The following MALRD1 variants were observed in gnomAD, a reference collection of about 807,000 sequenced individuals.
The protein encoded by MALRD1 is MAM and LDL-receptor class A domain-containing protein 1.
Under a neutral mutation model 242.1 loss-of-function variants are expected in MALRD1, and 247 were observed. The observed-to-expected ratio is 1.02, with a 90% CI of 0.92 to 1.13. The LOEUF (loss-of-function observed/expected upper bound fraction) is 1.13, where lower values mean the gene tolerates loss of function less well. Among genes scored for constraint, MALRD1 ranks in the 50% most tolerant of loss-of-function variants. The probability of loss-of-function intolerance (pLI) is 0.00; values close to 1 mark genes in which losing one functional copy is unlikely to be tolerated. For missense variants in MALRD1, 2,989 were observed against 2,533.1 expected (o/e 1.18, Z -3.86); for synonymous variants, 995 against 866.6 (o/e 1.15, Z -2.60).
At chr10:19,130,724 A>G (rs753945984) in intron 8 of MALRD1, among the ~76,000 whole-genome samples, 34 of 152,126 alleles carry the variant, frequency 2.2e-4, no homozygotes, top group Admixed American at 6.6e-4. Flanking sequence ...TTATGAATGT[A>G]TGTATTTAGT....
intron 36 of MALRD1, among the ~76,000 whole-genome samples, chr10:19,686,278 A>G (rs1052564578): frequency 6.6e-6 from 1 of 152,174 alleles, no homozygotes; most frequent in African/African-American, 2.4e-5. Flanking sequence ...GCATACTTCC[A>G]GGGTCTTGCA....
chr10:19,545,124 C>T (rs1835153933), intron 32 of MALRD1, among the ~76,000 whole-genome samples: 1 of 152,156 alleles, frequency 6.6e-6, no homozygotes. Flanking sequence ...TTTCCACTGT[C>T]CTCACAAGGT....
chr10:19,729,584 G>C (rs1260330213), intron 38 of MALRD1, among the ~76,000 whole-genome samples: 1 of 146,608 alleles, frequency 6.8e-6, no homozygotes, highest in Non-Finnish European at 1.5e-5. Context: ...GTGTGTATAG[G>C]ATCCTTTCGT....
At chr10:19,177,278 CAAA>C (rs34742551) in intron 14 of MALRD1, among the ~76,000 whole-genome samples, 2 of 114,046 alleles carry the variant, frequency 1.8e-5, no homozygotes, top group Admixed American at 8.8e-5. Context: ...AGATTCCTCT[CAAA>C]AAAAAAAAAA....
chr10:19,182,473 C>T (rs112178888), intron 14 of MALRD1, among the ~76,000 whole-genome samples: 15,098 of 149,456 alleles, frequency 0.1, 808 homozygotes, highest in East Asian at 0.18. Flanking sequence ...AGCAGGCGCC[C>T]GCCATCACGC....
At chr10:19,627,759 T>TAAAAAAAAA (rs553942713) in intron 36 of MALRD1, among the ~76,000 whole-genome samples, 1 of 56,226 alleles carries the variant, frequency 1.8e-5, no homozygotes, top group Admixed American at 2.1e-4. Flanking sequence ...CAAGACTGTC[T>TAAAAAAAAA]AAAAAAAAAA....
chr10:19,587,994 T>C (rs1032178603), intron 33 of MALRD1, among the ~76,000 whole-genome samples: 3 of 151,856 alleles, frequency 2.0e-5, no homozygotes, highest in African/African-American at 7.2e-5. Context: ...TTCTTTTAAA[T>C]ATATATACAT....
intron 15 of MALRD1, 113 bp downstream of exon 15, chr10:19,203,993 G>C: frequency 1.6e-6 from 2 of 1,257,164 alleles, no homozygotes; most frequent in Non-Finnish European, 1.1e-6. Flanking sequence ...CAGTCAGATA[G>C]TTGAATATTG....
chr10:19,160,429 TG>T (rs1834347431), intron 12 of MALRD1, among the ~76,000 whole-genome samples: 2 of 91,644 alleles, frequency 2.2e-5, no homozygotes, highest in African/African-American at 4.4e-5. Context: ...TTCTCTTTTT[TG>T]GTTGTGTCTC....
intron 33 of MALRD1, among the ~76,000 whole-genome samples, chr10:19,591,173 T>C (rs549306609): frequency 3.3e-4 from 50 of 152,356 alleles, no homozygotes; most frequent in African/African-American, 1.2e-3. Context: ...CTTTTCACAT[T>C]GGCTTCTTTC....
At chr10:19,117,138 G>C (rs986767753) in intron 5 of MALRD1, among the ~76,000 whole-genome samples, 1 of 151,578 alleles carries the variant, frequency 6.6e-6, no homozygotes, top group Non-Finnish European at 1.5e-5. Flanking sequence ...GAGGAGAGAG[G>C]GAAGAAGGGA....
intron 26 of MALRD1, among the ~76,000 whole-genome samples, chr10:19,372,209 TG>T (rs1319899771): frequency 3.3e-5 from 5 of 152,136 alleles, no homozygotes; most frequent in Admixed American, 6.6e-5. Flanking sequence ...ATATGAACAA[TG>T]GATATACATT....
intron 14 of MALRD1, among the ~76,000 whole-genome samples, chr10:19,196,109 CCTCT>C (rs1019618204): frequency 5.3e-5 from 8 of 152,016 alleles, no homozygotes; most frequent in African/African-American, 1.9e-4. Context: ...ATGTAGAACC[CCTCT>C]CTATTTGCCT....
intron 36 of MALRD1, among the ~76,000 whole-genome samples, chr10:19,660,675 A>G (rs994048811): frequency 2.6e-5 from 4 of 152,192 alleles, no homozygotes; most frequent in African/African-American, 9.7e-5. Context: ...ATTTTCTCCC[A>G]TAAGTATCCA....
intron 24 of MALRD1, among the ~76,000 whole-genome samples, chr10:19,332,465 G>A (rs1469463000): frequency 5.3e-5 from 8 of 152,090 alleles, no homozygotes; most frequent in Non-Finnish European, 4.4e-5. Flanking sequence ...TGCACCATAT[G>A]TACTCAATCT....
intron 5 of MALRD1, among the ~76,000 whole-genome samples, chr10:19,118,873 AG>A (rs1015923521): frequency 1.3e-5 from 2 of 152,188 alleles, no homozygotes; most frequent in African/African-American, 4.8e-5. Context: ...GGAAGGTCAT[AG>A]TAAGGCATTG....
At chr10:19,368,726 T>A (rs73593882) in intron 26 of MALRD1, among the ~76,000 whole-genome samples, 6,132 of 151,962 alleles carry the variant, frequency 0.04, 209 homozygotes, top group African/African-American at 0.091. Flanking sequence ...TTAACAATAT[T>A]AATTCTGCTC....
Position 19,539,904 on chromosome 10 carries a change from G to A in MALRD1, c.5478+8553G>A, listed in dbSNP as rs1342016683. Among the ~76,000 whole-genome samples the A allele has an allele frequency of 3.7e-3, 200 of 54,264 alleles. 2 individuals are homozygous for A. The highest frequency in any genetic ancestry group is 9.4e-3 in the African/African-American group (163 of 17,338). The allele number at this position is 54,264 out of a possible 152,430, so 35.6% of individuals were successfully genotyped here. On this transcript the variant is annotated intron_variant, in intron 32 of 39. Transcript: ENST00000454679. ...TGTGTGTGTGTGTGTGTGTGCGCGC[G>A]CGCGTGCGCGCACACACGCGCAGTG... is the stretch of plus-strand genomic sequence containing the variant.
chr10:19,064,290 G>T (rs1029244792), intron 1 of MALRD1, among the ~76,000 whole-genome samples: 1 of 152,150 alleles, frequency 6.6e-6, no homozygotes, highest in Non-Finnish European at 1.5e-5. Context: ...TTTAGTGATG[G>T]CTGTAATCTA....
Sources: gnomAD v4.1 joint callset for allele counts (sites outside exome capture counted in the v4.1 genomes callset) on GRCh38, gnomAD v4.1.1 for gene constraint, MANE v1.5 for transcripts, NCBI Gene and HGNC (gene_info 2026-07-23, HGNC 2026-07-21) for gene names.